MACROH2A2: variants seen among roughly 807,000 people sequenced by gnomAD.
The protein encoded by MACROH2A2 is core histone macro-H2A.2.
In MACROH2A2, 6 loss-of-function variants were observed where a neutral mutation model predicts 37.6. The ratio of observed to expected loss-of-function variants is 0.16; its 90% CI spans 0.09 to 0.32. The LOEUF (loss-of-function observed/expected upper bound fraction) is 0.32. MACROH2A2 is among the 10% of genes least tolerant of loss of function. The pLI, the probability that MACROH2A2 is intolerant of heterozygous loss-of-function variation, is 1.00. For synonymous variants in MACROH2A2, 192 were observed against 202.7 expected (o/e 0.95, Z 0.45); for missense variants, 290 against 485.9 (o/e 0.60, Z 3.79).
At chr10:70,077,114 G>C (rs186821799) in intron 2 of MACROH2A2, among the ~76,000 whole-genome samples, 7 of 152,164 alleles carry the variant, frequency 4.6e-5, no homozygotes, top group Non-Finnish European at 5.9e-5. Flanking sequence ...GTGGGGTCAC[G>C]CAGGGATCTT....
At chr10:70,059,323 C>T (rs2072037069) in intron 1 of MACROH2A2, among the ~76,000 whole-genome samples, 1 of 151,964 alleles carries the variant, frequency 6.6e-6, no homozygotes, top group Admixed American at 6.5e-5. Context: ...CACTTGCCCA[C>T]TCCAGCCAGG....
Position 70,100,234 on chromosome 10 carries a change from A to G in MACROH2A2, c.715A>G (p.Lys239Glu). ...IGKALEKAGG[K>E]EFLETVKELR... ...TAAAGCCTTGGAAAAGGCTGGGGGA[A>G]AAGAGTTCTTGGAAACGGTAAAGGA... The change falls in exon 7 of 9, where the codon AAA becomes GAA. Residue 239 changes from lysine to glutamate, a missense_variant. Physicochemically the swap from Lys to Glu is moderately conservative, Grantham distance 56. Coordinates refer to ENST00000373255, the MANE Select transcript of MACROH2A2 (RefSeq NM_018649.3). 6.2e-7 allele frequency: 1 copy of G among 1,610,420 alleles called. No individual in the cohort carries two copies. Among genetic ancestry groups the G allele is most frequent in the Non-Finnish European group, 8.5e-7 (1 of 1,176,904 alleles).
chr10:70,093,587 C>A, intron 4 of MACROH2A2, 148 bp from the exon 5 acceptor site: 1 of 578,874 alleles, frequency 1.7e-6, no homozygotes. Flanking sequence ...CTGACTTTTG[C>A]TCCCCTCCTT....
chr10:70,062,788 A>G (rs1468756913), intron 1 of MACROH2A2, among the ~76,000 whole-genome samples: 2 of 152,204 alleles, frequency 1.3e-5, no homozygotes, highest in African/African-American at 4.8e-5. Flanking sequence ...TTAAGTCAGG[A>G]TGCTGTTGTA....
At chr10:70,058,679 G>T (rs1287602284) in intron 1 of MACROH2A2, among the ~76,000 whole-genome samples, 1 of 151,940 alleles carries the variant, frequency 6.6e-6, no homozygotes. Context: ...TTTGTAACTT[G>T]TATTTTGCGC....
chr10:70,061,040 G>C (rs2072047638), intron 1 of MACROH2A2, among the ~76,000 whole-genome samples: 1 of 151,778 alleles, frequency 6.6e-6, no homozygotes, highest in South Asian at 2.1e-4. Flanking sequence ...GTCTTTTTAT[G>C]AAGGCCATCA....
chr10:70,082,438 G>T (rs543727336), intron 2 of MACROH2A2, among the ~76,000 whole-genome samples: 1 of 151,086 alleles, frequency 6.6e-6, no homozygotes, highest in Admixed American at 6.6e-5. Context: ...AAAGAAAAAA[G>T]AAAAGAAAGA....
intron 1 of MACROH2A2, among the ~76,000 whole-genome samples, chr10:70,069,512 A>C (rs965331987): frequency 1.3e-5 from 2 of 152,128 alleles, no homozygotes; most frequent in Non-Finnish European, 2.9e-5. Context: ...GCATCTGGGA[A>C]AATGGGGCCA....
chr10:70,075,952 T>A lies in MACROH2A2; in HGVS notation c.172+122T>A. The A allele has an allele frequency of 1.3e-6, 1 of 767,766 alleles. No homozygotes were observed. Among genetic ancestry groups the A allele is most frequent in the Non-Finnish European group, 2.1e-6 (1 of 473,928 alleles). The allele number at this position is 767,766 out of a possible 1,614,324, so 47.6% of individuals were successfully genotyped here. A position where few individuals can be genotyped will look rare whatever the true frequency, so the allele number is the denominator to read the frequency against. ...TTGGCTGGCTCAAGGCTACTGTGGGTGGTGACAGGGTTGCAACTGGCCTGC... is the reference window on the plus strand; with the variant it reads ...TTGGCTGGCTCAAGGCTACTGTGGGAGGTGACAGGGTTGCAACTGGCCTGC... On this transcript the variant is annotated intron_variant, in intron 2 of 8. Coordinates refer to ENST00000373255, the MANE Select transcript of MACROH2A2 (RefSeq NM_018649.3). This position sits in a 1 kb window ranked among gnomAD's most constrained non-coding sequence, Gnocchi z 5.0.
intron 5 of MACROH2A2, among the ~76,000 whole-genome samples, chr10:70,095,034 C>A (rs2072266424): frequency 1.3e-5 from 2 of 152,114 alleles, no homozygotes. Flanking sequence ...CTAAGGCCAC[C>A]AGGGTTGGGA....
chr10:70,067,855 A>G (rs2072087654), intron 1 of MACROH2A2, among the ~76,000 whole-genome samples: 2 of 152,330 alleles, frequency 1.3e-5, no homozygotes, highest in Middle Eastern at 3.4e-3. Flanking sequence ...TGGAGGAAAT[A>G]AAACTGAAAA....
At position 70,109,218 on chromosome 10, in the gene MACROH2A2, G is replaced by A. The variant is rs1273003888; in HGVS notation, c.953+11G>A. On this transcript the variant is annotated intron_variant, in intron 8 of 8. Coordinates refer to ENST00000373255, the MANE Select transcript of MACROH2A2 (RefSeq NM_018649.3). ...TTTCCCCAGCGGCAGGTAAGATGCAGTTCCCCTGAGTTGATTCCTCCGGCT... is the reference window on the plus strand; with the variant it reads ...TTTCCCCAGCGGCAGGTAAGATGCAATTCCCCTGAGTTGATTCCTCCGGCT... 1.1e-5 allele frequency: 18 copies of A among 1,608,538 alleles called. No individual in the cohort carries two copies. Among genetic ancestry groups the A allele is most frequent in the Non-Finnish European group, 1.5e-5 (18 of 1,175,736 alleles).
chr10:70,088,303 C>T (rs1008487695), intron 2 of MACROH2A2, among the ~76,000 whole-genome samples: 8 of 152,166 alleles, frequency 5.3e-5, no homozygotes, highest in Admixed American at 3.3e-4. Context: ...GCACACTTTC[C>T]CCCCTCATTA....
chr10:70,094,536 A>C (rs1308955785), intron 5 of MACROH2A2, among the ~76,000 whole-genome samples: 1 of 152,244 alleles, frequency 6.6e-6, no homozygotes, highest in Non-Finnish European at 1.5e-5. Flanking sequence ...TTCCATCTTG[A>C]CAACACAGTA....
intron 7 of MACROH2A2, among the ~76,000 whole-genome samples, chr10:70,103,906 T>C (rs1169973202): frequency 6.6e-6 from 1 of 151,746 alleles, no homozygotes; most frequent in Admixed American, 6.6e-5. Context: ...GGACAAAAGA[T>C]GTACAATTTC....
chr10:70,092,859 C>T (rs1013180359), intron 4 of MACROH2A2, among the ~76,000 whole-genome samples: 2 of 152,182 alleles, frequency 1.3e-5, no homozygotes, highest in African/African-American at 4.8e-5. Context: ...TGAGTTCCGC[C>T]AGTGGAATTT....
chr10:70,102,439 C>T (rs1421477554), intron 7 of MACROH2A2, among the ~76,000 whole-genome samples: 1 of 152,112 alleles, frequency 6.6e-6, no homozygotes, highest in African/African-American at 2.4e-5. Context: ...AAAGTAGGGC[C>T]CAGGTACTGT....
At chr10:70,102,601 CA>C (rs1477771833) in intron 7 of MACROH2A2, among the ~76,000 whole-genome samples, 3 of 152,056 alleles carry the variant, frequency 2.0e-5, no homozygotes, top group East Asian at 1.9e-4. Context: ...CCTGTAATCC[CA>C]AGCTACTCAG....
At position 70,065,034 on chromosome 10, in the gene MACROH2A2, C is replaced by CT. The variant is rs539062819; in HGVS notation, c.-59-10554dup. Among the ~76,000 whole-genome samples, 760 of 138,762 alleles carry CT rather than the reference C, an allele frequency of 5.5e-3. 2 individuals carry two copies. The highest frequency in any genetic ancestry group is 0.014 in the African/African-American group (536 of 37,784). The allele number at this position is 138,762 out of a possible 152,430, so 91.0% of individuals were successfully genotyped here. On this transcript the variant is annotated intron_variant, in intron 1 of 8. Coordinates refer to ENST00000373255, the MANE Select transcript of MACROH2A2 (RefSeq NM_018649.3). ...CTTGTCCTTCATTCTTTTTTTTTTT[C>CT]TTTTTTTTTTTTGAGACAGAGTCTC...
Sources: gnomAD v4.1 joint callset for allele counts (sites outside exome capture counted in the v4.1 genomes callset) on GRCh38, gnomAD v4.1.1 for gene constraint, Gnocchi (gnomAD v3.1) non-coding constraint, MANE v1.5 for transcripts, NCBI Gene and HGNC (gene_info 2026-07-23, HGNC 2026-07-21) for gene names.